Variants in DRC11 observed in about 807,000 individuals in gnomAD.
DRC11 encodes IQ and AAA domain-containing protein 1.
the DRC11 span, among the ~76,000 whole-genome samples, chr2:236,502,483 A>G: frequency 7.4e-6 from 1 of 135,960 alleles, no homozygotes; most frequent in African/African-American, 2.7e-5. Context: ...AGGCTGAGAC[A>G]GGAGAATTGC....
At chr2:236,408,640 G>T in the DRC11 span, 1 of 722,840 alleles carries the variant, frequency 1.4e-6, no homozygotes. The surrounding 1 kb of genome is among the most constrained non-coding windows in gnomAD (Gnocchi z 5.5). Flanking sequence ...TGCTCCAGCT[G>T]CTTCTTGCCA....
chr2:236,358,310 G>GAT, the DRC11 span, among the ~76,000 whole-genome samples: 22 of 127,782 alleles, frequency 1.7e-4, no homozygotes, highest in East Asian at 1.6e-3. Flanking sequence ...ATAATATATA[G>GAT]ATATATACTA....
the DRC11 span, among the ~76,000 whole-genome samples, chr2:236,426,970 TTGAGTTTTTATTA>T: frequency 2.5e-4 from 38 of 152,318 alleles, no homozygotes; most frequent in Admixed American, 8.5e-4. This position sits in a 1 kb window ranked among gnomAD's most constrained non-coding sequence, Gnocchi z 4.1. Flanking sequence ...GCATAATTTG[TTGAGTTTTTATTA>T]TGAAAGAGTT....
the DRC11 span, chr2:236,392,113 T>C: frequency 1.9e-6 from 3 of 1,587,844 alleles, no homozygotes. This position sits in a 1 kb window ranked among gnomAD's most constrained non-coding sequence, Gnocchi z 5.1. Context: ...TCACTTTGCA[T>C]GTCTTGTGTT....
the DRC11 span, among the ~76,000 whole-genome samples, chr2:236,392,639 GTAT>G: frequency 6.6e-6 from 1 of 152,104 alleles, no homozygotes; most frequent in Admixed American, 6.5e-5. The surrounding 1 kb of genome is among the most constrained non-coding windows in gnomAD (Gnocchi z 5.1). Context: ...GTATTCTACT[GTAT>G]TATTATAATC....
chr2:236,495,619 G>A, the DRC11 span, among the ~76,000 whole-genome samples: 6 of 152,166 alleles, frequency 3.9e-5, no homozygotes, highest in Non-Finnish European at 7.3e-5. The surrounding 1 kb of genome is among the most constrained non-coding windows in gnomAD (Gnocchi z 5.6). Flanking sequence ...TTCGGACTAA[G>A]GGGCAGTTTA....
At chr2:236,333,278 A>G in the DRC11 span, 1 of 98,194 alleles carries the variant, frequency 1.0e-5, no homozygotes, top group Non-Finnish European at 2.1e-5. This position sits in a 1 kb window ranked among gnomAD's most constrained non-coding sequence, Gnocchi z 6.0. Context: ...AATAGGCTAC[A>G]AGAGTGTTTC....
At chr2:236,371,389 C>T in the DRC11 span, among the ~76,000 whole-genome samples, 4 of 152,168 alleles carry the variant, frequency 2.6e-5, no homozygotes, top group African/African-American at 7.2e-5. The surrounding 1 kb of genome is among the most constrained non-coding windows in gnomAD (Gnocchi z 5.1). Flanking sequence ...CTCGTTAATG[C>T]TCTTCTTAGA....
At chr2:236,438,811 C>T in the DRC11 span, among the ~76,000 whole-genome samples, 4 of 152,054 alleles carry the variant, frequency 2.6e-5, no homozygotes, top group African/African-American at 9.7e-5. Context: ...TGACCACATA[C>T]TGGGAAGTAA....
the DRC11 span, among the ~76,000 whole-genome samples, chr2:236,318,719 CTG>C: frequency 6.6e-5 from 10 of 151,928 alleles, no homozygotes; most frequent in East Asian, 1.9e-4. This position sits in a 1 kb window ranked among gnomAD's most constrained non-coding sequence, Gnocchi z 7.0. Context: ...TATGAATGCC[CTG>C]TGTGTGTGCA....
the DRC11 span, among the ~76,000 whole-genome samples, chr2:236,481,567 G>A: frequency 6.6e-6 from 1 of 152,090 alleles, no homozygotes; most frequent in Non-Finnish European, 1.5e-5. Flanking sequence ...TGGGGGGAGT[G>A]AAGCCAGGTT....
the DRC11 span, among the ~76,000 whole-genome samples, chr2:236,358,728 C>G: frequency 6.7e-6 from 1 of 149,022 alleles, no homozygotes. Context: ...ATTAACGTGC[C>G]CATTTTACAG....
the DRC11 span, among the ~76,000 whole-genome samples, chr2:236,458,372 C>T: frequency 6.6e-6 from 1 of 152,144 alleles, no homozygotes; most frequent in Non-Finnish European, 1.5e-5. Context: ...AGAGAAAACA[C>T]ACCAGAGTGG....
At chr2:236,433,055 T>C in the DRC11 span, among the ~76,000 whole-genome samples, 3 of 152,192 alleles carry the variant, frequency 2.0e-5, no homozygotes, top group Admixed American at 2.0e-4. Flanking sequence ...GTCTTTATTA[T>C]AAATTTCCGT....
chr2:236,378,710 C>T, the DRC11 span, among the ~76,000 whole-genome samples: 42 of 151,604 alleles, frequency 2.8e-4, no homozygotes, highest in Admixed American at 7.9e-4. Flanking sequence ...GACACCGTGG[C>T]ACAGTGTGTG....
At chr2:236,459,696 C>CGT in the DRC11 span, among the ~76,000 whole-genome samples, 151 of 143,542 alleles carry the variant, frequency 1.1e-3, no homozygotes, top group African/African-American at 3.8e-3. Context: ...TACATATATA[C>CGT]ATATATACGT....
the DRC11 span, among the ~76,000 whole-genome samples, chr2:236,435,097 C>A: frequency 6.6e-6 from 1 of 152,282 alleles, no homozygotes; most frequent in Non-Finnish European, 1.5e-5. Context: ...TTCCTGTGTG[C>A]TTAACTCTGA....
chr2:236,483,107 A>G, the DRC11 span, among the ~76,000 whole-genome samples: 1 of 152,172 alleles, frequency 6.6e-6, no homozygotes, highest in South Asian at 2.1e-4. This position sits in a 1 kb window ranked among gnomAD's most constrained non-coding sequence, Gnocchi z 4.8. Flanking sequence ...TGACTACTTT[A>G]GATAGTGCAT....
chr2:236,323,016 G>A, the DRC11 span, among the ~76,000 whole-genome samples: 1 of 152,198 alleles, frequency 6.6e-6, no homozygotes, highest in Non-Finnish European at 1.5e-5. This position sits in a 1 kb window ranked among gnomAD's most constrained non-coding sequence, Gnocchi z 6.4. Flanking sequence ...TTTATTAAAT[G>A]TTACCTGCAC....
Sources: allele counts gnomAD v4.1 joint callset (sites outside exome capture counted in the v4.1 genomes callset), GRCh38; gene constraint gnomAD v4.1.1; non-coding constraint Gnocchi (gnomAD v3.1); transcripts MANE v1.5; gene names NCBI Gene and HGNC (gene_info 2026-07-23, HGNC 2026-07-21).